CFAP300: variants seen among roughly 807,000 people sequenced by gnomAD.
CFAP300 encodes cilia- and flagella-associated protein 300.
Under a neutral mutation model 33.0 loss-of-function variants are expected in CFAP300, and 32 were observed. That is an observed-to-expected ratio of 0.97 (90% CI 0.73 to 1.30). The LOEUF (loss-of-function observed/expected upper bound fraction) is 1.30, where lower values mean the gene tolerates loss of function less well. Ranked by LOEUF, CFAP300 falls within the 50% of genes most tolerant of loss-of-function variation. The pLI is 0.00. For synonymous variants in CFAP300, 102 were observed against 106.8 expected, an observed-to-expected ratio of 0.95 and a Z score of 0.28; for missense variants, 356 against 318.1, an observed-to-expected ratio of 1.12 and a Z score of -0.90.
At chr11:102,065,149 C>T (rs1451646488) in intron 3 of CFAP300, among the ~76,000 whole-genome samples, 1 of 152,232 alleles carries the variant, frequency 6.6e-6, no homozygotes, top group East Asian at 1.9e-4. Flanking sequence ...TTTGGTCACC[C>T]AGGCTGGAGT....
At chr11:102,058,849 C>G (rs1302603878) in intron 2 of CFAP300, 31 bp from the exon 3 acceptor site, 1 of 1,244,074 alleles carries the variant, frequency 8.0e-7, no homozygotes, top group East Asian at 2.4e-5. Flanking sequence ...AATAAAATAT[C>G]TAACTTATTC....
rs1487740955 is a variant in CFAP300 at position 102,047,848 on chromosome 11, C to T, written c.144C>T (p.Phe48=). Residue 48 remains phenylalanine (F), a synonymous_variant, in exon 2 of 7, where the codon TTC becomes TTT. Transcript: ENST00000434758. The part of the protein sequence containing the change: ...SMLGRIKAQA[F]GFDQTFQSYR... ...TGGGCAGAATCAAGGCGCAGGCGTT[C>T]GGCTTTGACCAGACCTTTCAGTCCT... 6 of 1,614,040 alleles carry T rather than the reference C, an allele frequency of 3.7e-6. No homozygotes were observed. Among genetic ancestry groups the T allele is most frequent in the Admixed American group, 3.3e-5 (2 of 60,004 alleles).
chr11:102,075,168 T>A (rs773765407), intron 4 of CFAP300, among the ~76,000 whole-genome samples: 1 of 152,198 alleles, frequency 6.6e-6, no homozygotes, highest in African/African-American at 2.4e-5. Context: ...ATATGTTATA[T>A]CTTACATTGG....
intron 2 of CFAP300, among the ~76,000 whole-genome samples, chr11:102,049,479 A>G (rs559838535): frequency 8.5e-4 from 129 of 152,210 alleles, no homozygotes; most frequent in Middle Eastern, 3.2e-3. Flanking sequence ...TTGGGGGGAC[A>G]CTATCAACCC....
chr11:102,052,759 A>G (rs185193774), intron 2 of CFAP300, among the ~76,000 whole-genome samples: 39 of 151,794 alleles, frequency 2.6e-4, no homozygotes, highest in African/African-American at 8.2e-4. Flanking sequence ...CTACTTCTCT[A>G]CCTCCCCACT....
intron 2 of CFAP300, among the ~76,000 whole-genome samples, chr11:102,053,119 C>T (rs917880047): frequency 1.2e-4 from 18 of 152,152 alleles, no homozygotes; most frequent in Admixed American, 1.0e-3. Context: ...ATCACAGCTA[C>T]TCAGGAGGCT....
chr11:102,051,169 G>A (rs1486573952), intron 2 of CFAP300, among the ~76,000 whole-genome samples: 1 of 152,146 alleles, frequency 6.6e-6, no homozygotes, highest in Non-Finnish European at 1.5e-5. Flanking sequence ...AGAATTACAA[G>A]GAAAATGAGT....
intron 4 of CFAP300, among the ~76,000 whole-genome samples, chr11:102,074,403 T>C (rs527284562): frequency 1.7e-4 from 26 of 152,292 alleles, no homozygotes; most frequent in Admixed American, 5.9e-4. Flanking sequence ...TTTTCCTGCA[T>C]TGGGAAGCCT....
chr11:102,050,429 C>T (rs886800951), intron 2 of CFAP300, among the ~76,000 whole-genome samples: 2 of 152,124 alleles, frequency 1.3e-5, no homozygotes, highest in Non-Finnish European at 2.9e-5. Context: ...AACTAGAATT[C>T]CAGATTTTGA....
intron 4 of CFAP300, among the ~76,000 whole-genome samples, chr11:102,074,973 C>T (rs1942375222): frequency 6.6e-6 from 1 of 152,004 alleles, no homozygotes; most frequent in Non-Finnish European, 1.5e-5. Context: ...TCCCAAAGTG[C>T]TGAGATTATA....
Position 102,057,515 on chromosome 11 carries a change from C to T in CFAP300, c.193-1365C>T, listed in dbSNP as rs900969253. On this transcript the variant is annotated intron_variant, in intron 2 of 6. Coordinates refer to ENST00000434758, the MANE Select transcript of CFAP300 (RefSeq NM_032930.3). The stretch of plus-strand genomic sequence containing the variant: ...CATATGTGTTGCAAATATTTTCTCT[C>T]AGTCTATTATTTTTCTTTTGTTTAT... Among the ~76,000 whole-genome samples the T allele has an allele frequency of 2.0e-5, 3 of 151,858 alleles. No homozygotes were observed. In the East Asian group the frequency reaches 5.8e-4, roughly 29 times the overall value.
At chr11:102,057,628 G>A (rs1035213158) in intron 2 of CFAP300, among the ~76,000 whole-genome samples, 2 of 152,186 alleles carry the variant, frequency 1.3e-5, no homozygotes, top group African/African-American at 4.8e-5. Context: ...AAGTCCAAGT[G>A]AAACCTCCCA....
At chr11:102,063,077 A>G (rs10791556) in intron 3 of CFAP300, among the ~76,000 whole-genome samples, 65,927 of 152,130 alleles carry the variant, frequency 0.43, 14,573 homozygotes, top group East Asian at 0.71. Flanking sequence ...ATGGCCTCCA[A>G]CCAAAGCCTT....
chr11:102,052,089 A>G (rs1258726115), intron 2 of CFAP300, among the ~76,000 whole-genome samples: 14 of 152,240 alleles, frequency 9.2e-5, no homozygotes, highest in Admixed American at 5.9e-4. Context: ...TATTAGACAT[A>G]TAATTGTAAT....
chr11:102,067,933 A>G (rs139059227), intron 4 of CFAP300, among the ~76,000 whole-genome samples: 65 of 152,296 alleles, frequency 4.3e-4, no homozygotes, highest in Non-Finnish European at 8.2e-4. Flanking sequence ...GAAATGTATT[A>G]TTGATATTAT....
At chr11:102,057,621 T>C (rs1942079516) in intron 2 of CFAP300, among the ~76,000 whole-genome samples, 1 of 152,158 alleles carries the variant, frequency 6.6e-6, no homozygotes, top group African/African-American at 2.4e-5. Context: ...TTTTGGGAAG[T>C]CCAAGTGAAA....
chr11:102,079,864 C>A (rs1185487337), intron 5 of CFAP300, among the ~76,000 whole-genome samples: 1 of 152,096 alleles, frequency 6.6e-6, no homozygotes, highest in African/African-American at 2.4e-5. Flanking sequence ...CCCAGAAATA[C>A]CACTTTTATT....
At chr11:102,061,287 C>T (rs1942146271) in intron 3 of CFAP300, among the ~76,000 whole-genome samples, 1 of 152,078 alleles carries the variant, frequency 6.6e-6, no homozygotes, top group Non-Finnish European at 1.5e-5. Flanking sequence ...TTTTCTTTTT[C>T]TGCTATATTT....
chr11:102,059,864 G>A (rs922963567), intron 3 of CFAP300, among the ~76,000 whole-genome samples: 1 of 150,264 alleles, frequency 6.7e-6, no homozygotes, highest in Admixed American at 6.7e-5. Flanking sequence ...AGGCTGGAGT[G>A]CAGTGGTGCC....
Sources: allele counts gnomAD v4.1 joint callset (sites outside exome capture counted in the v4.1 genomes callset), GRCh38; gene constraint gnomAD v4.1.1; transcripts MANE v1.5; gene names NCBI Gene and HGNC (gene_info 2026-07-23, HGNC 2026-07-21).